Variants in TMEFF2 observed in about 807,000 individuals in gnomAD.
The protein encoded by TMEFF2 is transmembrane protein with EGF like and two follistatin like domains 2.
In TMEFF2, 28 loss-of-function variants were observed where a neutral mutation model predicts 53.8. The observed-to-expected ratio is 0.52, with a 90% CI of 0.39 to 0.71. The LOEUF (loss-of-function observed/expected upper bound fraction) is 0.71, where lower values mean the gene tolerates loss of function less well. Ranked by LOEUF, TMEFF2 falls within the 30% of genes least tolerant of loss-of-function variation. The pLI, the probability that TMEFF2 is intolerant of heterozygous loss-of-function variation, is 0.00. For synonymous variants in TMEFF2, 162 were observed against 166.3 expected (o/e 0.97, Z 0.20); for missense variants, 353 against 455.2 (o/e 0.78, Z 2.04).
intron 4 of TMEFF2, among the ~76,000 whole-genome samples, chr2:192,075,941 G>T: frequency 6.6e-6 from 1 of 151,802 alleles, no homozygotes; most frequent in East Asian, 1.9e-4. Context: ...AGAAAAGAAA[G>T]ATGGAAGAAA....
intron 5 of TMEFF2, among the ~76,000 whole-genome samples, chr2:192,034,174 CA>C (rs5837274): frequency 3.8e-3 from 402 of 105,360 alleles, no homozygotes; most frequent in East Asian, 6.4e-3. Flanking sequence ...GACTCCATTT[CA>C]AAAAAAAAAA....
chr2:192,062,649 T>A (rs1688071814), intron 4 of TMEFF2, among the ~76,000 whole-genome samples: 1 of 152,172 alleles, frequency 6.6e-6, no homozygotes. Flanking sequence ...GATATATGTG[T>A]TGCAATATTT....
chr2:192,069,000 A>G (rs1017390658), intron 4 of TMEFF2, among the ~76,000 whole-genome samples: 1 of 151,482 alleles, frequency 6.6e-6, no homozygotes, highest in African/African-American at 2.4e-5. Context: ...TGGAATTACA[A>G]TATCCAAAAC....
chr2:191,986,809 C>G (rs1685987033), intron 7 of TMEFF2, among the ~76,000 whole-genome samples: 1 of 142,976 alleles, frequency 7.0e-6, no homozygotes, highest in African/African-American at 2.7e-5. Context: ...CGTGAGCTGA[C>G]ATGGTGTCAC....
At chr2:191,986,513 C>T (rs1685977952) in intron 7 of TMEFF2, among the ~76,000 whole-genome samples, 2 of 151,578 alleles carry the variant, frequency 1.3e-5, no homozygotes, top group Admixed American at 1.3e-4. Context: ...CAGATATTGC[C>T]TCTTATTTGT....
intron 5 of TMEFF2, among the ~76,000 whole-genome samples, chr2:192,022,626 G>T (rs1413796170): frequency 1.3e-5 from 2 of 152,094 alleles, no homozygotes; most frequent in African/African-American, 4.8e-5. Context: ...TTTCTTCTCT[G>T]TCTTTATAAT....
intron 4 of TMEFF2, among the ~76,000 whole-genome samples, chr2:192,090,941 G>A (rs1447777793): frequency 6.6e-6 from 1 of 152,082 alleles, no homozygotes; most frequent in Non-Finnish European, 1.5e-5. Context: ...ACAATTTCAT[G>A]GTTCTATTCC....
intron 4 of TMEFF2, among the ~76,000 whole-genome samples, chr2:192,145,592 G>C (rs1000718543): frequency 6.6e-6 from 1 of 151,848 alleles, no homozygotes; most frequent in Non-Finnish European, 1.5e-5. Flanking sequence ...ATAATCTTTT[G>C]GGGATGGCTC....
intron 5 of TMEFF2, among the ~76,000 whole-genome samples, chr2:192,008,704 A>G (rs1446362532): frequency 6.6e-6 from 1 of 152,208 alleles, no homozygotes; most frequent in Non-Finnish European, 1.5e-5. Flanking sequence ...CTTTTGAATC[A>G]TGTGGTAGAC....
intron 4 of TMEFF2, among the ~76,000 whole-genome samples, chr2:192,132,663 C>T (rs896800841): frequency 6.6e-6 from 1 of 152,154 alleles, no homozygotes; most frequent in African/African-American, 2.4e-5. Flanking sequence ...AGCGGCCAGG[C>T]GTTCCTCCAG....
At chr2:192,161,763 A>G (rs79437095) in intron 4 of TMEFF2, among the ~76,000 whole-genome samples, 549 of 152,206 alleles carry the variant, frequency 3.6e-3, no homozygotes, top group East Asian at 0.011. Flanking sequence ...AGCCCTGTTC[A>G]TCTTTTATTT....
intron 4 of TMEFF2, among the ~76,000 whole-genome samples, chr2:192,129,983 T>C (rs1376319828): frequency 6.6e-6 from 1 of 152,208 alleles, no homozygotes; most frequent in Non-Finnish European, 1.5e-5. Flanking sequence ...CTGTATTATT[T>C]TCCCTAAATA....
At chr2:192,103,263 T>C (rs1249441362) in intron 4 of TMEFF2, among the ~76,000 whole-genome samples, 1 of 152,224 alleles carries the variant, frequency 6.6e-6, no homozygotes, top group East Asian at 1.9e-4. Context: ...GTACAATTGC[T>C]GTCGTATTTC....
At chr2:191,957,651 G>A (rs868530194) in intron 7 of TMEFF2, among the ~76,000 whole-genome samples, 16 of 152,096 alleles carry the variant, frequency 1.1e-4, no homozygotes, top group African/African-American at 2.4e-4. Flanking sequence ...GAAAAAAGTT[G>A]TAAAAGATGT....
chr2:191,950,442 A>G (rs1308721797), intron 9 of TMEFF2, 35 bp from the exon 10 acceptor site: 1 of 1,614,016 alleles, frequency 6.2e-7, no homozygotes, highest in African/African-American at 1.3e-5. Flanking sequence ...TCTCAGTCCA[A>G]TGCTATTACC....
chr2:191,956,300 T>G lies in TMEFF2; in HGVS notation c.824A>C (p.His275Pro). The change falls in exon 8 of 10, where the codon CAT becomes CCT. Residue 275 changes from histidine (H) to proline (P), a missense_variant. This residue lies in a region of TMEFF2 where 294 missense variants were observed against 397.3 expected (regional missense o/e 0.74). Transcript: ENST00000272771. ...CPEHYNGFCMHGKCEHSINMQ... is the reference protein window; with the variant it reads ...CPEHYNGFCMPGKCEHSINMQ... The stretch of plus-strand genomic sequence containing the variant: ...ATTGATAGAATGCTCACACTTCCCA[T>G]GCATGCAGAAGCCATTGTAATGTTC... 6.2e-7 allele frequency: 1 copy of G among 1,614,012 alleles called. No homozygotes were observed. Among genetic ancestry groups the G allele is most frequent in the Non-Finnish European group, 8.5e-7 (1 of 1,179,936 alleles).
intron 4 of TMEFF2, chr2:192,178,332 T>C (rs369206455): frequency 2.7e-5 from 4 of 150,814 alleles, no homozygotes; most frequent in East Asian, 3.9e-4. Flanking sequence ...TAAGATTTAA[T>C]ATGCTATTCT....
At chr2:192,011,298 C>T (rs543751244) in intron 5 of TMEFF2, among the ~76,000 whole-genome samples, 87 of 152,284 alleles carry the variant, frequency 5.7e-4, no homozygotes, top group Non-Finnish European at 1.0e-3. Flanking sequence ...CCTCATTAAT[C>T]CATTCATTCA....
At chr2:192,126,201 T>A (rs1341369324) in intron 4 of TMEFF2, among the ~76,000 whole-genome samples, 1 of 152,232 alleles carries the variant, frequency 6.6e-6, no homozygotes, top group East Asian at 1.9e-4. Context: ...TTCTGAAATA[T>A]TTTAAAATCT....
Sources: allele counts gnomAD v4.1 joint callset (sites outside exome capture counted in the v4.1 genomes callset), GRCh38; gene constraint gnomAD v4.1.1; regional missense constraint gnomAD v4.1.1; transcripts MANE v1.5; gene names NCBI Gene and HGNC (gene_info 2026-07-23, HGNC 2026-07-21).